KCNIP4: variants seen among roughly 807,000 people sequenced by gnomAD.
The protein encoded by KCNIP4 is potassium voltage-gated channel interacting protein 4.
KCNIP4 carries 12 observed loss-of-function variants against 34.0 expected under a neutral mutation model. That is an observed-to-expected ratio of 0.35 (90% CI 0.23 to 0.57). The LOEUF is 0.57. Among genes scored for constraint, KCNIP4 ranks in the 20% least tolerant of loss-of-function variants. The pLI, the probability that KCNIP4 is intolerant of heterozygous loss-of-function variation, is 0.83. For missense variants in KCNIP4, 238 were observed against 311.7 expected, an observed-to-expected ratio of 0.76 and a Z score of 1.78; for synonymous variants, 124 against 102.2, an observed-to-expected ratio of 1.21 and a Z score of -1.29.
At chr4:21,637,996 A>C (rs1327166997) in intron 1 of KCNIP4, among the ~76,000 whole-genome samples, 1 of 152,078 alleles carries the variant, frequency 6.6e-6, no homozygotes, top group Non-Finnish European at 1.5e-5. Context: ...GGGGAGAAAA[A>C]CAGTAAAATT....
At chr4:21,288,698 C>T (rs1163440667) in intron 1 of KCNIP4, among the ~76,000 whole-genome samples, 2 of 152,092 alleles carry the variant, frequency 1.3e-5, no homozygotes, top group African/African-American at 4.8e-5. Flanking sequence ...CAGATGATTG[C>T]GTCAGAATCA....
chr4:21,781,671 T>TA (rs1421326706), intron 1 of KCNIP4, among the ~76,000 whole-genome samples: 2 of 152,168 alleles, frequency 1.3e-5, no homozygotes, highest in Non-Finnish European at 2.9e-5. Context: ...AAAAAAATTA[T>TA]AAATAAAATA....
At chr4:21,114,655 C>A (rs1263347191) in intron 1 of KCNIP4, among the ~76,000 whole-genome samples, 2 of 152,100 alleles carry the variant, frequency 1.3e-5, no homozygotes, top group Non-Finnish European at 2.9e-5. Context: ...TTACTATGTA[C>A]CCAAATACCA....
chr4:21,554,337 A>G (rs1425748778), intron 1 of KCNIP4, among the ~76,000 whole-genome samples: 1 of 152,072 alleles, frequency 6.6e-6, no homozygotes, highest in Admixed American at 6.6e-5. Context: ...TGTGCTTGTC[A>G]CAAGAGGATT....
At chr4:21,266,350 A>G (rs1170530345) in intron 1 of KCNIP4, among the ~76,000 whole-genome samples, 1 of 152,206 alleles carries the variant, frequency 6.6e-6, no homozygotes, top group Non-Finnish European at 1.5e-5. Context: ...ACTGAGGCTG[A>G]GCATTTGACT....
chr4:21,458,439 T>C (rs1282991699), intron 1 of KCNIP4, among the ~76,000 whole-genome samples: 1 of 151,932 alleles, frequency 6.6e-6, no homozygotes, highest in Non-Finnish European at 1.5e-5. Context: ...TTGTGAATAA[T>C]GCTGCAATAA....
chr4:20,836,066 C>A (rs1018151814), intron 3 of KCNIP4, among the ~76,000 whole-genome samples: 1 of 152,148 alleles, frequency 6.6e-6, no homozygotes, highest in Non-Finnish European at 1.5e-5. Flanking sequence ...CATTATTTGC[C>A]AAATAGAGTT....
chr4:21,505,892 C>T (rs189626332), intron 1 of KCNIP4, among the ~76,000 whole-genome samples: 1 of 152,226 alleles, frequency 6.6e-6, no homozygotes, highest in Non-Finnish European at 1.5e-5. Flanking sequence ...CATCTGAGCT[C>T]AGGAGTTCAA....
chr4:20,911,547 A>G (rs1372653153), intron 1 of KCNIP4, among the ~76,000 whole-genome samples: 1 of 152,170 alleles, frequency 6.6e-6, no homozygotes, highest in Admixed American at 6.5e-5. Context: ...TGCAACTTTA[A>G]TATTTTCTGA....
intron 1 of KCNIP4, among the ~76,000 whole-genome samples, chr4:21,777,566 A>G (rs1719265730): frequency 6.6e-6 from 1 of 152,198 alleles, no homozygotes; most frequent in African/African-American, 2.4e-5. Context: ...ATTACCAAAC[A>G]CACCATTAAA....
At chr4:21,153,148 T>A (rs2109252212) in intron 1 of KCNIP4, among the ~76,000 whole-genome samples, 1 of 152,266 alleles carries the variant, frequency 6.6e-6, no homozygotes, top group South Asian at 2.1e-4. Flanking sequence ...CAGGCTAGAC[T>A]CCTAGTAGTA....
intron 1 of KCNIP4, among the ~76,000 whole-genome samples, chr4:21,916,126 A>G (rs899247331): frequency 8.5e-5 from 13 of 152,220 alleles, no homozygotes; most frequent in African/African-American, 3.1e-4. Flanking sequence ...CATAATATCA[A>G]GAATGTTATT....
intron 1 of KCNIP4, among the ~76,000 whole-genome samples, chr4:21,700,924 A>G (rs1712783514): frequency 6.6e-6 from 1 of 152,174 alleles, no homozygotes; most frequent in South Asian, 2.1e-4. Context: ...AAAAAATTAA[A>G]TTAGTATGTC....
intron 2 of KCNIP4, among the ~76,000 whole-genome samples, chr4:20,858,168 G>A (rs192873736): frequency 1.1e-3 from 141 of 131,352 alleles, no homozygotes; most frequent in African/African-American, 3.3e-3. Context: ...CCGAGATCTC[G>A]CTACTGCACT....
chr4:21,503,557 T>C (rs1211265577), intron 1 of KCNIP4, among the ~76,000 whole-genome samples: 7 of 152,234 alleles, frequency 4.6e-5, no homozygotes, highest in Non-Finnish European at 8.8e-5. Flanking sequence ...GACACTTAGA[T>C]GGACTGTTCA....
chr4:21,881,513 C>T (rs1431781654), intron 1 of KCNIP4, among the ~76,000 whole-genome samples: 1 of 13,904 alleles, frequency 7.2e-5, no homozygotes, highest in East Asian at 0.12. Flanking sequence ...GGTCACTGTC[C>T]TTGAATTTTT....
chr4:20,976,084 T>C (rs1180477616), intron 1 of KCNIP4, among the ~76,000 whole-genome samples: 2 of 152,178 alleles, frequency 1.3e-5, no homozygotes, highest in Non-Finnish European at 2.9e-5. Context: ...GCTCAGCAGG[T>C]GTCAGACAAC....
chr4:20,976,013 G>A (rs1735458197), intron 1 of KCNIP4, among the ~76,000 whole-genome samples: 2 of 152,250 alleles, frequency 1.3e-5, no homozygotes, highest in South Asian at 2.1e-4. Flanking sequence ...AGACTGCATG[G>A]CCCACAAAAC....
chr4:21,557,489 G>A (rs1739162919), intron 1 of KCNIP4, among the ~76,000 whole-genome samples: 1 of 152,140 alleles, frequency 6.6e-6, no homozygotes, highest in African/African-American at 2.4e-5. Context: ...TATTTTAGTG[G>A]TGATTTTATG....
Sources: gnomAD v4.1 joint callset for allele counts (sites outside exome capture counted in the v4.1 genomes callset) on GRCh38, gnomAD v4.1.1 for gene constraint, MANE v1.5 for transcripts, NCBI Gene and HGNC (gene_info 2026-07-23, HGNC 2026-07-21) for gene names.